Variants in GALNT13 observed in about 807,000 individuals in gnomAD.
GALNT13 encodes the protein polypeptide N-acetylgalactosaminyltransferase 13.
In GALNT13, 28 loss-of-function variants were observed where a neutral mutation model predicts 64.2. The observed-to-expected ratio is 0.44, with a 90% CI of 0.32 to 0.60. GALNT13 has a LOEUF of 0.60. GALNT13 is among the 20% of genes least tolerant of loss of function. The probability of loss-of-function intolerance (pLI) is 0.05; values close to 1 mark genes in which losing one functional copy is unlikely to be tolerated. For synonymous variants in GALNT13, 214 were observed against 224.6 expected, an observed-to-expected ratio of 0.95 and a Z score of 0.42; for missense variants, 577 against 669.8, an observed-to-expected ratio of 0.86 and a Z score of 1.53.
intron 11 of GALNT13, among the ~76,000 whole-genome samples, chr2:154,429,698 G>A (rs887835966): frequency 6.6e-6 from 1 of 152,218 alleles, no homozygotes; most frequent in African/African-American, 2.4e-5. Context: ...CCAATTGGAA[G>A]AAGATGCCAT....
chr2:153,151,295 C>A, the GALNT13 span, among the ~76,000 whole-genome samples: 1 of 152,018 alleles, frequency 6.6e-6, no homozygotes, highest in Admixed American at 6.6e-5. Flanking sequence ...CATCTTACAC[C>A]AGTTAGAATG....
the GALNT13 span, among the ~76,000 whole-genome samples, chr2:153,793,971 A>G: frequency 5.9e-5 from 9 of 152,280 alleles, no homozygotes; most frequent in East Asian, 1.6e-3. Flanking sequence ...TGCTATATAC[A>G]GTATGTTGTA....
intron 3 of GALNT13, among the ~76,000 whole-genome samples, chr2:153,993,323 AAGT>A (rs34960136): frequency 0.2 from 30,989 of 151,958 alleles, 4,058 homozygotes; most frequent in Middle Eastern, 0.33. Flanking sequence ...AAGTGGAATA[AAGT>A]AGTAGTAGTA....
chr2:153,094,110 C>A, the GALNT13 span, among the ~76,000 whole-genome samples: 2 of 151,928 alleles, frequency 1.3e-5, no homozygotes, highest in African/African-American at 4.8e-5. Flanking sequence ...TTTTGTTTAA[C>A]TTTTAGAAAA....
the GALNT13 span, among the ~76,000 whole-genome samples, chr2:153,129,768 C>CA: frequency 0.056 from 7,342 of 130,896 alleles, 284 homozygotes; most frequent in East Asian, 0.21. Context: ...GACTCTGTCT[C>CA]AAAAAAAAAA....
chr2:154,003,403 T>G (rs1574307418), intron 3 of GALNT13, among the ~76,000 whole-genome samples: 2 of 152,312 alleles, frequency 1.3e-5, no homozygotes, highest in Admixed American at 1.3e-4. Context: ...TTACCAGCTG[T>G]GGCTTCTGTC....
At chr2:153,797,287 C>G in the GALNT13 span, among the ~76,000 whole-genome samples, 2 of 152,088 alleles carry the variant, frequency 1.3e-5, no homozygotes, top group East Asian at 3.9e-4. Context: ...TGCAATTGGG[C>G]TATAAATAAC....
chr2:153,483,142 A>G, the GALNT13 span, among the ~76,000 whole-genome samples: 1 of 152,190 alleles, frequency 6.6e-6, no homozygotes, highest in Non-Finnish European at 1.5e-5. Flanking sequence ...AAAATGGTAC[A>G]GCCATTGTGA....
the GALNT13 span, among the ~76,000 whole-genome samples, chr2:153,595,998 C>A: frequency 6.6e-6 from 1 of 152,120 alleles, no homozygotes; most frequent in Non-Finnish European, 1.5e-5. Flanking sequence ...CATTTCTTCA[C>A]CCAGGTAAGA....
chr2:154,085,403 A>C (rs1701473974), intron 3 of GALNT13, among the ~76,000 whole-genome samples: 1 of 151,990 alleles, frequency 6.6e-6, no homozygotes, highest in Non-Finnish European at 1.5e-5. Flanking sequence ...GCTTACCTTC[A>C]CAAAAGCTAA....
the GALNT13 span, among the ~76,000 whole-genome samples, chr2:153,547,786 A>G: frequency 6.6e-6 from 1 of 152,140 alleles, no homozygotes; most frequent in African/African-American, 2.4e-5. Context: ...AGTGTTAAGG[A>G]ACTTGGGCTC....
the GALNT13 span, among the ~76,000 whole-genome samples, chr2:153,663,310 T>C: frequency 6.6e-5 from 10 of 152,190 alleles, no homozygotes; most frequent in Non-Finnish European, 1.2e-4. Flanking sequence ...GAGTATAGAA[T>C]AATAACTCTA....
At chr2:154,449,795 A>T (rs1701790604) in intron 12 of GALNT13, among the ~76,000 whole-genome samples, 1 of 151,966 alleles carries the variant, frequency 6.6e-6, no homozygotes, top group Admixed American at 6.6e-5. Flanking sequence ...AAAATATGTG[A>T]TCATCATGCC....
the GALNT13 span, among the ~76,000 whole-genome samples, chr2:153,479,683 C>T: frequency 1.3e-5 from 2 of 152,214 alleles, no homozygotes; most frequent in Non-Finnish European, 2.9e-5. Context: ...CAACATCCAT[C>T]ACCTAGAACG....
chr2:153,686,602 A>C, the GALNT13 span, among the ~76,000 whole-genome samples: 1 of 151,686 alleles, frequency 6.6e-6, no homozygotes, highest in African/African-American at 2.4e-5. Flanking sequence ...ATAGTTTGAC[A>C]TTTTCTCTCC....
At chr2:153,321,720 C>T in the GALNT13 span, among the ~76,000 whole-genome samples, 1 of 152,152 alleles carries the variant, frequency 6.6e-6, no homozygotes, top group Non-Finnish European at 1.5e-5. Context: ...TGTAACTCCC[C>T]TAAACTTCCC....
At chr2:153,099,069 C>T in the GALNT13 span, among the ~76,000 whole-genome samples, 37 of 152,180 alleles carry the variant, frequency 2.4e-4, no homozygotes, top group Admixed American at 5.2e-4. Context: ...ACTGAGATTG[C>T]GCCACTGCAC....
chr2:153,907,272 A>G (rs1688635096), intron 2 of GALNT13, among the ~76,000 whole-genome samples: 2 of 151,376 alleles, frequency 1.3e-5, no homozygotes, highest in African/African-American at 4.8e-5. Context: ...TATTTTGGTT[A>G]ATTTGTGCCT....
chr2:154,231,534 T>G (rs1688915413), intron 4 of GALNT13, among the ~76,000 whole-genome samples: 1 of 151,926 alleles, frequency 6.6e-6, no homozygotes, highest in African/African-American at 2.4e-5. Context: ...GTTTTATTAT[T>G]TTAAAGAACT....
Sources: allele counts gnomAD v4.1 joint callset (sites outside exome capture counted in the v4.1 genomes callset), GRCh38; gene constraint gnomAD v4.1.1; transcripts MANE v1.5; gene names NCBI Gene and HGNC (gene_info 2026-07-23, HGNC 2026-07-21).